Variants in ACAA2 observed in about 807,000 individuals in gnomAD.
The protein encoded by ACAA2 is 3-ketoacyl-CoA thiolase, mitochondrial.
ACAA2 carries 35 observed loss-of-function variants against 44.8 expected under a neutral mutation model. The ratio of observed to expected loss-of-function variants is 0.78; its 90% CI spans 0.60 to 1.04. The LOEUF is 1.04. Among genes scored for constraint, ACAA2 ranks in the 50% least tolerant of loss-of-function variants. The pLI is 0.00. For missense variants in ACAA2, 468 were observed against 482.6 expected, an observed-to-expected ratio of 0.97 and a Z score of 0.28; for synonymous variants, 142 against 166.5, an observed-to-expected ratio of 0.85 and a Z score of 1.13.
chr18:49,800,721 C>T (rs2023537252), intron 2 of ACAA2, among the ~76,000 whole-genome samples: 2 of 151,974 alleles, frequency 1.3e-5, no homozygotes, highest in Admixed American at 1.3e-4. Context: ...AGAGTCATCA[C>T]CACTCCCTAA....
intron 1 of ACAA2, chr18:49,811,523 G>A (rs556684535): frequency 6.6e-6 from 1 of 152,166 alleles, no homozygotes; most frequent in Non-Finnish European, 1.5e-5. Flanking sequence ...GGTTCTTCTT[G>A]TTGACTGAAA....
intron 8 of ACAA2, chr18:49,785,647 G>T: frequency 2.8e-6 from 1 of 353,812 alleles, no homozygotes; most frequent in Non-Finnish European, 5.1e-6. Context: ...TTTTAGAACT[G>T]GATGGATGGT....
At chr18:49,801,793 T>TATATATATATATATGA (rs1179965262) in intron 2 of ACAA2, among the ~76,000 whole-genome samples, 1 of 139,238 alleles carries the variant, frequency 7.2e-6, no homozygotes, top group African/African-American at 2.7e-5. Context: ...ATCATATATA[T>TATATATATATATATGA]ATATATATAT....
chr18:49,799,098 G>C (rs2023497954), intron 2 of ACAA2, among the ~76,000 whole-genome samples: 1 of 152,062 alleles, frequency 6.6e-6, no homozygotes, highest in South Asian at 2.1e-4. Context: ...AAAGTCAACA[G>C]AAAAAGTATT....
intron 8 of ACAA2, 120 bp downstream of exon 8, chr18:49,787,171 G>GGAAAGGCTAACTACAATGAAATTCA: frequency 1.3e-6 from 1 of 754,750 alleles, no homozygotes; most frequent in Non-Finnish European, 1.9e-6. Context: ...TACATCATTT[G>GGAAAGGCTAACTACAATGAAATTCA]GAAAGGCTAA....
chr18:49,804,653 G>A (rs2023592618), intron 1 of ACAA2, among the ~76,000 whole-genome samples: 2 of 152,126 alleles, frequency 1.3e-5, no homozygotes, highest in Admixed American at 6.5e-5. Context: ...AAAATAGCAT[G>A]CATTTTATCT....
In ACAA2 at chr18:49,795,885, T is replaced by C. The variant is rs2023459591; in HGVS notation, c.313-4A>G. The C allele has an allele frequency of 1.3e-6, 2 of 1,592,940 alleles. No individual in the cohort carries two copies. The highest frequency in any genetic ancestry group is 1.7e-6 in the Non-Finnish European group (2 of 1,165,804). ...CAGCTTCTTTAACACAAATTTCCTATTTAAAAACAAACAGTAATAAAAACT... is the reference window on the plus strand; with the variant it reads ...CAGCTTCTTTAACACAAATTTCCTACTTAAAAACAAACAGTAATAAAAACT... On this transcript the variant is annotated splice_region_variant and splice_polypyrimidine_tract_variant and intron_variant, in intron 3 of 9. Coordinates refer to ENST00000285093, the MANE Select transcript of ACAA2 (RefSeq NM_006111.3).
rs61346043 is a variant in ACAA2, at chr18:49,787,274, A to AAAAAC, written c.954+16_954+17insGTTTT. 4 of 1,439,730 alleles carry AAAAAC rather than the reference A, an allele frequency of 2.8e-6. No individual in the cohort carries two copies. Among genetic ancestry groups the AAAAAC allele is most frequent in the African/African-American group, 1.5e-5 (1 of 65,012 alleles). The allele number at this position is 1,439,730 out of a possible 1,614,324, so 89.2% of individuals were successfully genotyped here. On this transcript the variant is annotated intron_variant, in intron 8 of 9. Transcript: ENST00000285093. The stretch of plus-strand genomic sequence containing the variant: ...ATTCATGTTGTTAAAAAAAAAAAAA[A>AAAAAC]AAAAAAAAACACTTACCTCTACCAA...
At chr18:49,785,516 T>A in intron 8 of ACAA2, 165 bp from the exon 9 acceptor site, 1 of 666,922 alleles carries the variant, frequency 1.5e-6, no homozygotes, top group Non-Finnish European at 2.5e-6. Flanking sequence ...CTATCAGGTT[T>A]AAAATGTGTA....
Position 49,782,417 on chromosome 18 carries a change from G to A in ACAA2, c.*1430C>T, listed in dbSNP as rs1043968073. 1 of 151,996 alleles carries A rather than the reference G, an allele frequency of 6.6e-6. No homozygotes were observed. Among genetic ancestry groups the A allele is most frequent in the Non-Finnish European group, 1.5e-5 (1 of 68,008 alleles). The allele number at this position is 151,996 out of a possible 1,614,324, so 9.4% of individuals were successfully genotyped here. A position where few individuals can be genotyped will look rare whatever the true frequency, so the allele number is the denominator to read the frequency against. On this transcript the variant is annotated 3_prime_UTR_variant, in exon 10 of 10. Coordinates refer to ENST00000285093, the MANE Select transcript of ACAA2 (RefSeq NM_006111.3). ...AAATGAAGGAAACCATATAAGCAAA[G>A]GGTTGAGGAAACAGTGTAGGTACTT...
At position 49,783,845 on chromosome 18, in the gene ACAA2, C is replaced by T; in HGVS notation, c.*2G>A. The T allele has an allele frequency of 1.2e-6, 2 of 1,611,330 alleles. No individual in the cohort carries two copies. Among genetic ancestry groups the T allele is most frequent in the Non-Finnish European group, 1.7e-6 (2 of 1,178,252 alleles). ...TGGGTCACAGTGAGCTCACTGGTCT[C>T]TTCAGGCTGTGCTCTGAATGATGAC... On this transcript the variant is annotated 3_prime_UTR_variant, in exon 10 of 10. Transcript: ENST00000285093.
At chr18:49,809,989 G>A (rs775456959) in intron 1 of ACAA2, among the ~76,000 whole-genome samples, 1 of 152,138 alleles carries the variant, frequency 6.6e-6, no homozygotes, top group Non-Finnish European at 1.5e-5. Context: ...GTAATACTCC[G>A]TACTTTCTGC....
At chr18:49,810,521 T>C (rs2023656833) in intron 1 of ACAA2, among the ~76,000 whole-genome samples, 1 of 151,980 alleles carries the variant, frequency 6.6e-6, no homozygotes, top group Non-Finnish European at 1.5e-5. Context: ...AAGGAAAGGG[T>C]GTGCATGGGA....
At chr18:49,802,560 CAAAAAA>C in intron 2 of ACAA2, 121 bp downstream of exon 2, 1 of 592,568 alleles carries the variant, frequency 1.7e-6, no homozygotes, top group Non-Finnish European at 2.4e-6. Context: ...GACTCCATCT[CAAAAAA>C]AAAAAAAAAA....
chr18:49,788,682 CA>C (rs1459446127), intron 7 of ACAA2, among the ~76,000 whole-genome samples: 1 of 152,168 alleles, frequency 6.6e-6, no homozygotes, highest in Non-Finnish European at 1.5e-5. Flanking sequence ...AAAAGGTGGA[CA>C]ATGTTCAGAC....
intron 1 of ACAA2, among the ~76,000 whole-genome samples, chr18:49,809,007 C>G (rs547443002): frequency 1.3e-5 from 2 of 152,108 alleles, no homozygotes; most frequent in African/African-American, 2.4e-5. Context: ...ACTCCCAGAG[C>G]GGCCATTTAT....
chr18:49,794,566 G>T, intron 4 of ACAA2, 139 bp from the exon 5 acceptor site: 1 of 648,786 alleles, frequency 1.5e-6, no homozygotes, highest in Non-Finnish European at 2.3e-6. Flanking sequence ...TTCATATTCA[G>T]TTATGGGATA....
intron 2 of ACAA2, 41 bp from the exon 3 acceptor site, chr18:49,797,635 A>G: frequency 6.6e-7 from 1 of 1,512,656 alleles, no homozygotes. Context: ...TTCTCTATAA[A>G]TCTACTAATT....
rs1439767493 is a variant in ACAA2, at chr18:49,813,506, G to C, written c.-22C>G. On this transcript the variant is annotated 5_prime_UTR_variant, in exon 1 of 10. Transcript: ENST00000285093. ...CCATGGCGGCTGCTGGGTCGTCGGC[G>C]GCGCGGGTCTGTGGTGTGGGGGACG... is the stretch of plus-strand genomic sequence containing the variant. 1.6e-6 allele frequency: 2 copies of C among 1,239,994 alleles called. No individual in the cohort carries two copies. Among genetic ancestry groups the C allele is most frequent in the Non-Finnish European group, 1.0e-6 (1 of 988,058 alleles). The allele number at this position is 1,239,994 out of a possible 1,614,324, so 76.8% of individuals were successfully genotyped here. A position where few individuals can be genotyped will look rare whatever the true frequency, so the allele number is the denominator to read the frequency against.
Sources: gnomAD v4.1 joint callset for allele counts (sites outside exome capture counted in the v4.1 genomes callset) on GRCh38, gnomAD v4.1.1 for gene constraint, MANE v1.5 for transcripts, NCBI Gene and HGNC (gene_info 2026-07-23, HGNC 2026-07-21) for gene names.